The following FYN variants were observed in gnomAD, a reference collection of about 807,000 sequenced individuals.
The protein encoded by FYN is tyrosine-protein kinase Fyn.
FYN carries 10 observed loss-of-function variants against 70.2 expected under a neutral mutation model. That is an observed-to-expected ratio of 0.14 (90% CI 0.09 to 0.24). FYN has a LOEUF of 0.24. Ranked by LOEUF, FYN falls within the 10% of genes least tolerant of loss-of-function variation. FYN has a pLI of 1.00. For synonymous variants in FYN, 236 were observed against 248.6 expected, an observed-to-expected ratio of 0.95 and a Z score of 0.48; for missense variants, 319 against 673.1, an observed-to-expected ratio of 0.47 and a Z score of 5.82.
chr6:111,705,332 CATTT>C (rs1363020361), intron 6 of FYN, among the ~76,000 whole-genome samples: 2 of 151,526 alleles, frequency 1.3e-5, no homozygotes, highest in Non-Finnish European at 2.9e-5. Flanking sequence ...TAAGTAAAGG[CATTT>C]ATTTACCAAG....
At chr6:111,689,120 C>T (rs1329949544) in intron 12 of FYN, among the ~76,000 whole-genome samples, 1 of 152,116 alleles carries the variant, frequency 6.6e-6, no homozygotes, top group African/African-American at 2.4e-5. Context: ...TTATAGATAG[C>T]CCATGTAAGT....
chr6:111,814,422 T>C (rs1461439984), intron 2 of FYN, among the ~76,000 whole-genome samples: 1 of 152,182 alleles, frequency 6.6e-6, no homozygotes, highest in Non-Finnish European at 1.5e-5. Context: ...AGATTTTTTT[T>C]CACTGCAAGC....
intron 3 of FYN, among the ~76,000 whole-genome samples, chr6:111,724,700 G>A (rs886625373): frequency 6.6e-6 from 1 of 152,208 alleles, no homozygotes. Context: ...AATTTCAGGG[G>A]TGTATGCTCT....
At chr6:111,836,865 G>A (rs1364241631) in intron 2 of FYN, among the ~76,000 whole-genome samples, 1 of 152,174 alleles carries the variant, frequency 6.6e-6, no homozygotes, top group African/African-American at 2.4e-5. Flanking sequence ...ATTTGTTGTT[G>A]TTATTAAACA....
intron 3 of FYN, among the ~76,000 whole-genome samples, chr6:111,735,207 T>C (rs1257116394): frequency 6.6e-6 from 1 of 152,220 alleles, no homozygotes; most frequent in African/African-American, 2.4e-5. Context: ...GTGCCAAGCA[T>C]ATTTCGAGGC....
At chr6:111,699,550 T>C in intron 9 of FYN, 1 of 1,614,128 alleles carries the variant, frequency 6.2e-7, no homozygotes, top group Non-Finnish European at 8.5e-7. Context: ...CTGACCCAGC[T>C]TCTTCTCCAG....
intron 2 of FYN, among the ~76,000 whole-genome samples, chr6:111,791,566 G>T (rs536980118): frequency 6.6e-6 from 1 of 152,316 alleles, no homozygotes; most frequent in African/African-American, 2.4e-5. Flanking sequence ...ATGTGGGGAA[G>T]ACGGCCATGT....
At chr6:111,794,696 T>A (rs1280879318) in intron 2 of FYN, among the ~76,000 whole-genome samples, 1 of 152,240 alleles carries the variant, frequency 6.6e-6, no homozygotes, top group African/African-American at 2.4e-5. Flanking sequence ...AGTAAAGCTT[T>A]ATTGGAACAC....
intron 3 of FYN, among the ~76,000 whole-genome samples, chr6:111,747,682 G>A (rs1236334205): frequency 1.3e-5 from 2 of 152,152 alleles, no homozygotes; most frequent in East Asian, 1.9e-4. Context: ...CAATGGAAAC[G>A]AAAAGCTCTC....
At chr6:111,708,066 T>C in intron 5 of FYN, 46 bp from the exon 6 acceptor site, 1 of 1,445,592 alleles carries the variant, frequency 6.9e-7, no homozygotes. Context: ...TTTCAACAGC[T>C]TGCAGTTAGA....
chr6:111,669,438 CAA>C (rs10690295), intron 13 of FYN, among the ~76,000 whole-genome samples: 624 of 56,820 alleles, frequency 0.011, 2 homozygotes, highest in African/African-American at 0.038. Context: ...CCATCCATCT[CAA>C]AAAAAAAAAA....
intron 4 of FYN, among the ~76,000 whole-genome samples, chr6:111,719,240 T>C (rs558087903): frequency 1.3e-5 from 2 of 150,650 alleles, no homozygotes; most frequent in East Asian, 2.0e-4. Context: ...TTTTACAAAG[T>C]ATTAGCTAAG....
chr6:111,846,189 A>G (rs1015183922), intron 2 of FYN, among the ~76,000 whole-genome samples: 6 of 152,200 alleles, frequency 3.9e-5, no homozygotes, highest in African/African-American at 1.4e-4. Context: ...AGTGGAGGAA[A>G]AACAACAATG....
At position 111,713,432 on chromosome 6, in the gene FYN, A is replaced by G. The variant is rs990401147; in HGVS notation, c.344+915T>C. Reference sequence around the variant, plus strand: ...AGGAGAAGCAACCAGACTTGGTGGCATAGAAGAACTTCCTGGTGTGCCCCT... The same window carrying G: ...AGGAGAAGCAACCAGACTTGGTGGCGTAGAAGAACTTCCTGGTGTGCCCCT... On this transcript the variant is annotated intron_variant, in intron 5 of 13. Transcript: ENST00000354650. 2.6e-5 allele frequency among the ~76,000 whole-genome samples: 4 copies of G among 152,300 alleles called. No individual in the cohort carries two copies. In the East Asian group the frequency reaches 7.7e-4, roughly 29 times the overall value.
chr6:111,841,026 C>T (rs1773343105), intron 2 of FYN, among the ~76,000 whole-genome samples: 1 of 152,202 alleles, frequency 6.6e-6, no homozygotes, highest in South Asian at 2.1e-4. Flanking sequence ...CATTTCTCCC[C>T]ACTCTCTCCT....
intron 2 of FYN, among the ~76,000 whole-genome samples, chr6:111,802,447 C>G (rs901018245): frequency 6.8e-6 from 1 of 148,022 alleles, no homozygotes; most frequent in Admixed American, 6.7e-5. Context: ...TTTTTTTTTT[C>G]TTTGAGACAG....
intron 2 of FYN, among the ~76,000 whole-genome samples, chr6:111,786,590 T>C (rs1195374140): frequency 3.3e-5 from 5 of 152,246 alleles, no homozygotes; most frequent in African/African-American, 1.2e-4. Context: ...AGTAATGGGA[T>C]TGCTGGGTCA....
intron 5 of FYN, 99 bp from the exon 6 acceptor site, chr6:111,708,119 C>T: frequency 1.2e-6 from 1 of 849,870 alleles, no homozygotes; most frequent in Non-Finnish European, 2.0e-6. Context: ...CCTAATCATC[C>T]TGCCACCCGA....
intron 2 of FYN, among the ~76,000 whole-genome samples, chr6:111,823,453 C>T (rs568274037): frequency 2.0e-4 from 31 of 152,240 alleles, no homozygotes; most frequent in African/African-American, 7.2e-4. Context: ...CCACCTCAAG[C>T]GTTACGGCTT....
Sources: allele counts gnomAD v4.1 joint callset (sites outside exome capture counted in the v4.1 genomes callset), GRCh38; gene constraint gnomAD v4.1.1; transcripts MANE v1.5; gene names NCBI Gene and HGNC (gene_info 2026-07-23, HGNC 2026-07-21).